The following MAGI2 variants were observed in gnomAD, a reference collection of about 807,000 sequenced individuals.
MAGI2 encodes the protein membrane-associated guanylate kinase, WW and PDZ domain-containing protein 2.
Under a neutral mutation model 133.3 loss-of-function variants are expected in MAGI2, and 35 were observed. That is an observed-to-expected ratio of 0.26 (90% confidence interval 0.20 to 0.35). The LOEUF (loss-of-function observed/expected upper bound fraction) is 0.35, where lower values mean the gene tolerates loss of function less well. Among genes scored for constraint, MAGI2 ranks in the 10% least tolerant of loss-of-function variants. The probability of loss-of-function intolerance (pLI) is 1.00; values close to 1 mark genes in which losing one functional copy is unlikely to be tolerated. For missense variants in MAGI2, 1,636 were observed against 1,863.4 expected (o/e 0.88, Z 2.25); for synonymous variants, 729 against 710.6 (o/e 1.03, Z -0.41).
chr7:78,027,850 T>C (rs1809110982), intron 21 of MAGI2, among the ~76,000 whole-genome samples: 2 of 152,324 alleles, frequency 1.3e-5, no homozygotes, highest in South Asian at 2.1e-4. Context: ...ACTAGAATTA[T>C]TCTGTAAAAA....
chr7:78,244,167 T>TAAAAAAAA (rs535442682), intron 10 of MAGI2, among the ~76,000 whole-genome samples: 29 of 68,812 alleles, frequency 4.2e-4, no homozygotes, highest in African/African-American at 6.6e-4. Context: ...CTATTTAAAT[T>TAAAAAAAA]AAAAAAAAAA....
intron 6 of MAGI2, among the ~76,000 whole-genome samples, chr7:78,401,013 T>C (rs535312359): frequency 6.6e-5 from 10 of 152,200 alleles, no homozygotes; most frequent in Non-Finnish European, 1.3e-4. Context: ...AGTTCTTACA[T>C]GACAATTCAC....
At chr7:78,512,952 C>T (rs978497775) in intron 4 of MAGI2, among the ~76,000 whole-genome samples, 3 of 152,036 alleles carry the variant, frequency 2.0e-5, no homozygotes, top group Non-Finnish European at 2.9e-5. Flanking sequence ...TTTAGATTAA[C>T]AGGGGAGAAG....
At chr7:79,063,210 G>A (rs1813943755) in intron 1 of MAGI2, among the ~76,000 whole-genome samples, 1 of 152,054 alleles carries the variant, frequency 6.6e-6, no homozygotes, top group Non-Finnish European at 1.5e-5. Flanking sequence ...TCTTCCAACA[G>A]TGTGTTTCCA....
At chr7:79,252,744 C>G (rs1041335401) in intron 1 of MAGI2, among the ~76,000 whole-genome samples, 1 of 151,608 alleles carries the variant, frequency 6.6e-6, no homozygotes, top group South Asian at 2.1e-4. Flanking sequence ...TACTATGTAC[C>G]CACAAATATT....
chr7:78,192,848 A>G (rs886356456), intron 12 of MAGI2, among the ~76,000 whole-genome samples: 3 of 151,084 alleles, frequency 2.0e-5, no homozygotes, highest in Admixed American at 6.6e-5. Context: ...GTGATGAGGC[A>G]GCAGCAGCAG....
chr7:78,801,668 C>T (rs1788068393), intron 2 of MAGI2, among the ~76,000 whole-genome samples: 1 of 152,046 alleles, frequency 6.6e-6, no homozygotes, highest in South Asian at 2.1e-4. Context: ...AATTAGTTTG[C>T]CTTCCAACAT....
intron 20 of MAGI2, among the ~76,000 whole-genome samples, chr7:78,094,677 T>C (rs1817542132): frequency 6.6e-6 from 1 of 152,236 alleles, no homozygotes; most frequent in East Asian, 1.9e-4. Flanking sequence ...TTGATTGAAC[T>C]GTCTGTAGTC....
At chr7:79,063,447 T>C (rs1468355824) in intron 1 of MAGI2, among the ~76,000 whole-genome samples, 1 of 152,114 alleles carries the variant, frequency 6.6e-6, no homozygotes, top group African/African-American at 2.4e-5. Flanking sequence ...TGGTGAAGTT[T>C]GAAATTGACC....
chr7:78,448,611 C>T (rs961644710), intron 6 of MAGI2, among the ~76,000 whole-genome samples: 1 of 152,088 alleles, frequency 6.6e-6, no homozygotes, highest in Non-Finnish European at 1.5e-5. Context: ...AGCTTTCAAA[C>T]ACAAGGTGCC....
chr7:78,956,888 A>G (rs978154817), intron 2 of MAGI2, among the ~76,000 whole-genome samples: 21 of 152,200 alleles, frequency 1.4e-4, no homozygotes, highest in Non-Finnish European at 2.5e-4. Context: ...GCTAAAATGA[A>G]TAGATGAGAT....
intron 2 of MAGI2, among the ~76,000 whole-genome samples, chr7:78,671,229 G>T (rs1012145651): frequency 9.9e-5 from 15 of 151,018 alleles, no homozygotes; most frequent in African/African-American, 2.9e-4. Flanking sequence ...GCCAAGCCTT[G>T]CTGCTTCTCC....
At chr7:78,903,208 T>TTTTTTTTTTTTTTTTTTTTG (rs1464385416) in intron 2 of MAGI2, among the ~76,000 whole-genome samples, 1 of 82,132 alleles carries the variant, frequency 1.2e-5, no homozygotes, top group Non-Finnish European at 2.3e-5. Flanking sequence ...TTTTTTTTTT[T>TTTTTTTTTTTTTTTTTTTTG]TTTGAGACAG....
intron 1 of MAGI2, among the ~76,000 whole-genome samples, chr7:79,279,609 C>T (rs1835478204): frequency 6.6e-6 from 1 of 152,152 alleles, no homozygotes; most frequent in Non-Finnish European, 1.5e-5. Context: ...GTCAAACCTG[C>T]AGTGAGCCCT....
chr7:78,137,315 G>A (rs1027512267), intron 16 of MAGI2, among the ~76,000 whole-genome samples: 4 of 152,186 alleles, frequency 2.6e-5, no homozygotes, highest in African/African-American at 9.7e-5. Context: ...TTTTTCGACA[G>A]TAAAATTGGT....
At chr7:78,846,707 A>G (rs1047549579) in intron 2 of MAGI2, among the ~76,000 whole-genome samples, 3 of 151,952 alleles carry the variant, frequency 2.0e-5, no homozygotes, top group African/African-American at 7.2e-5. Context: ...GCAAAAACGA[A>G]TCAGTTATTT....
At chr7:78,289,607 A>G (rs1258890064) in intron 9 of MAGI2, among the ~76,000 whole-genome samples, 1 of 152,160 alleles carries the variant, frequency 6.6e-6, no homozygotes, top group Non-Finnish European at 1.5e-5. Context: ...GAACACCACA[A>G]AGATACTCCT....
chr7:78,972,738 CAAATAGTGGT>C (rs1338305952), intron 2 of MAGI2, among the ~76,000 whole-genome samples: 1 of 151,664 alleles, frequency 6.6e-6, no homozygotes, highest in African/African-American at 2.4e-5. Context: ...ATGCTTTTAG[CAAATAGTGGT>C]ATTGTATAAC....
At chr7:78,833,094 A>G (rs967454210) in intron 2 of MAGI2, among the ~76,000 whole-genome samples, 1 of 152,016 alleles carries the variant, frequency 6.6e-6, no homozygotes, top group African/African-American at 2.4e-5. Flanking sequence ...GTTTCTATGG[A>G]TTGTTTGTAA....
Sources: gnomAD v4.1 joint callset for allele counts (sites outside exome capture counted in the v4.1 genomes callset) on GRCh38, gnomAD v4.1.1 for gene constraint, MANE v1.5 for transcripts, NCBI Gene and HGNC (gene_info 2026-07-23, HGNC 2026-07-21) for gene names.